The following MGLL variants were observed in gnomAD, a reference collection of about 807,000 sequenced individuals.
MGLL encodes the protein lysophospholipase homolog.
MGLL carries 7 observed loss-of-function variants against 29.1 expected under a neutral mutation model. The observed-to-expected ratio is 0.24, with a 90% confidence interval of 0.14 to 0.45. The LOEUF is 0.45. Ranked by LOEUF, MGLL falls within the 20% of genes least tolerant of loss-of-function variation. The pLI, the probability that MGLL is intolerant of heterozygous loss-of-function variation, is 0.99. For synonymous variants in MGLL, 148 were observed against 168.3 expected (o/e 0.88, Z 0.93); for missense variants, 356 against 413.6 (o/e 0.86, Z 1.21).
intron 2 of MGLL, among the ~76,000 whole-genome samples, chr3:127,783,352 T>C (rs2077161972): frequency 6.6e-6 from 1 of 152,032 alleles, no homozygotes; most frequent in Non-Finnish European, 1.5e-5. Context: ...TCCCGGGCCT[T>C]TCTGCTGGGC....
chr3:127,753,973 C>A (rs2076607823), intron 3 of MGLL, among the ~76,000 whole-genome samples: 1 of 152,232 alleles, frequency 6.6e-6, no homozygotes, highest in African/African-American at 2.4e-5. Context: ...CTTCCTCCCA[C>A]CAGCCTCGTC....
At chr3:127,807,920 C>A (rs761999975) in intron 2 of MGLL, among the ~76,000 whole-genome samples, 3 of 151,856 alleles carry the variant, frequency 2.0e-5, no homozygotes, top group African/African-American at 4.8e-5. Context: ...CACCACCATA[C>A]CCAGCTAATT....
At chr3:127,773,752 G>T (rs2076987407) in intron 3 of MGLL, among the ~76,000 whole-genome samples, 1 of 152,202 alleles carries the variant, frequency 6.6e-6, no homozygotes, top group Admixed American at 6.5e-5. Context: ...GTTACAAGGA[G>T]ACTCAGGCTC....
chr3:127,715,169 G>T (rs2075791038), intron 5 of MGLL, among the ~76,000 whole-genome samples: 1 of 152,166 alleles, frequency 6.6e-6, no homozygotes, highest in Non-Finnish European at 1.5e-5. Flanking sequence ...CCAAAGTGGG[G>T]CCCTGGCATC....
chr3:127,720,089 A>G (rs522388), intron 5 of MGLL, among the ~76,000 whole-genome samples: 8,254 of 152,220 alleles, frequency 0.054, 639 homozygotes, highest in East Asian at 0.33. Context: ...TGTGTTGAAG[A>G]GAGTGCGGTG....
chr3:127,701,554 A>G (rs2075487179), intron 6 of MGLL, among the ~76,000 whole-genome samples: 1 of 152,212 alleles, frequency 6.6e-6, no homozygotes, highest in East Asian at 1.9e-4. Flanking sequence ...ACTTCTTGGT[A>G]TGGCCTGGGA....
chr3:127,759,865 T>G (rs1395454356), intron 3 of MGLL, among the ~76,000 whole-genome samples: 1 of 152,230 alleles, frequency 6.6e-6, no homozygotes, highest in Non-Finnish European at 1.5e-5. Flanking sequence ...AAGTGATTTT[T>G]CCAATCTGGT....
At chr3:127,721,699 G>C (rs1290093267) in intron 4 of MGLL, among the ~76,000 whole-genome samples, 2 of 152,176 alleles carry the variant, frequency 1.3e-5, no homozygotes, top group African/African-American at 4.8e-5. Flanking sequence ...TAAAAGCAAG[G>C]GTTGCAACCG....
chr3:127,781,152 T>C (rs1473991851), intron 3 of MGLL, among the ~76,000 whole-genome samples: 1 of 152,194 alleles, frequency 6.6e-6, no homozygotes, highest in African/African-American at 2.4e-5. Flanking sequence ...TGTGTGTATA[T>C]GTGTGTAAAT....
At chr3:127,721,230 T>C in intron 4 of MGLL, 67 bp from the exon 5 acceptor site, 8 of 1,385,642 alleles carry the variant, frequency 5.8e-6, no homozygotes, top group Non-Finnish European at 8.2e-6. Flanking sequence ...CTAATAAACA[T>C]GACCAATGCA....
chr3:127,719,538 A>G (rs775914641), intron 5 of MGLL, among the ~76,000 whole-genome samples: 1 of 152,240 alleles, frequency 6.6e-6, no homozygotes, highest in African/African-American at 2.4e-5. Flanking sequence ...CATGCCTGGC[A>G]TTGGCTGAAT....
chr3:127,747,945 C>A (rs1366267722), intron 3 of MGLL, among the ~76,000 whole-genome samples: 1 of 152,156 alleles, frequency 6.6e-6, no homozygotes, highest in Non-Finnish European at 1.5e-5. Context: ...ACCTGGCACT[C>A]GGGGACCTGG....
chr3:127,722,650 C>T, intron 3 of MGLL, 84 bp from the exon 4 acceptor site: 6 of 1,578,192 alleles, frequency 3.8e-6, no homozygotes, highest in Middle Eastern at 1.7e-4. Flanking sequence ...ACTGCAATCG[C>T]TCTCTCTCCT....
At chr3:127,711,546 A>T (rs1394557351) in intron 5 of MGLL, 1 of 152,220 alleles carries the variant, frequency 6.6e-6, no homozygotes, top group East Asian at 1.9e-4. Flanking sequence ...GGGATGAAAG[A>T]TGCTATTTCA....
chr3:127,721,880 G>T (rs2075933034), intron 4 of MGLL, among the ~76,000 whole-genome samples: 1 of 152,072 alleles, frequency 6.6e-6, no homozygotes. Context: ...AGGTAGATTT[G>T]GCCTGTGGGC....
At chr3:127,771,831 G>A (rs944403553) in intron 3 of MGLL, among the ~76,000 whole-genome samples, 1 of 152,150 alleles carries the variant, frequency 6.6e-6, no homozygotes, top group Admixed American at 6.5e-5. Context: ...GTAACATAGC[G>A]TATGTTGAGA....
chr3:127,760,109 AG>A (rs1464084871), intron 3 of MGLL, among the ~76,000 whole-genome samples: 1 of 152,232 alleles, frequency 6.6e-6, no homozygotes, highest in East Asian at 1.9e-4. Flanking sequence ...AGCAAAGGAA[AG>A]ATGACGGGAG....
chr3:127,759,220 C>G (rs544560148), intron 3 of MGLL, among the ~76,000 whole-genome samples: 1 of 152,204 alleles, frequency 6.6e-6, no homozygotes, highest in Non-Finnish European at 1.5e-5. Flanking sequence ...CCACTGCGCC[C>G]GGCCCTGGCA....
intron 2 of MGLL, among the ~76,000 whole-genome samples, chr3:127,787,228 G>A (rs1379896828): frequency 6.6e-6 from 1 of 152,224 alleles, no homozygotes; most frequent in Non-Finnish European, 1.5e-5. Flanking sequence ...CTGCTGCCTT[G>A]AAAGGCAGAG....
Sources: gnomAD v4.1 joint callset for allele counts (sites outside exome capture counted in the v4.1 genomes callset) on GRCh38, gnomAD v4.1.1 for gene constraint, MANE v1.5 for transcripts, NCBI Gene and HGNC (gene_info 2026-07-23, HGNC 2026-07-21) for gene names.